RBM47: variants seen among roughly 807,000 people sequenced by gnomAD.
RBM47 encodes the protein RNA binding motif protein 47, also known as RNA-binding protein 47.
In RBM47, 21 loss-of-function variants were observed where a neutral mutation model predicts 47.1. The observed-to-expected ratio is 0.45, with a 90% confidence interval of 0.32 to 0.64. The LOEUF is 0.64. RBM47 is among the 30% of genes least tolerant of loss of function. The pLI, the probability that RBM47 is intolerant of heterozygous loss-of-function variation, is 0.05. For synonymous variants in RBM47, 375 were observed against 361.7 expected (o/e 1.04, Z -0.42); for missense variants, 708 against 870.9 (o/e 0.81, Z 2.35).
At chr4:40,607,834 G>A (rs2154278646) in intron 1 of RBM47, among the ~76,000 whole-genome samples, 1 of 152,312 alleles carries the variant, frequency 6.6e-6, no homozygotes, top group Middle Eastern at 3.4e-3. Flanking sequence ...GCCAGGCGCG[G>A]TGTCTCGTGC....
At chr4:40,437,650 G>T (rs993629874) in intron 4 of RBM47, 121 bp downstream of exon 4, 1 of 1,022,916 alleles carries the variant, frequency 9.8e-7, no homozygotes, top group Admixed American at 2.6e-5. Context: ...ACCCAAAACG[G>T]GGGTGGGAGG....
At chr4:40,439,468 A>C (rs921627473) in intron 3 of RBM47, among the ~76,000 whole-genome samples, 3 of 152,210 alleles carry the variant, frequency 2.0e-5, no homozygotes, top group African/African-American at 7.2e-5. Flanking sequence ...GCTTTTTACA[A>C]GGAAGAAATG....
intron 2 of RBM47, among the ~76,000 whole-genome samples, chr4:40,468,095 G>C (rs1475152249): frequency 6.6e-6 from 1 of 152,164 alleles, no homozygotes; most frequent in African/African-American, 2.4e-5. Flanking sequence ...AGACCAGCCT[G>C]GCCAACATGG....
chr4:40,516,657 G>A (rs780542177), intron 2 of RBM47, among the ~76,000 whole-genome samples: 2 of 152,180 alleles, frequency 1.3e-5, no homozygotes, highest in African/African-American at 2.4e-5. Flanking sequence ...GAGATTCAGA[G>A]ATGCAGAAAG....
At chr4:40,599,745 A>AAAG in intron 1 of RBM47, among the ~76,000 whole-genome samples, 1 of 151,780 alleles carries the variant, frequency 6.6e-6, no homozygotes, top group Admixed American at 6.6e-5. Context: ...ATTAGAAAAA[A>AAAG]AAAAAAAATC....
chr4:40,559,427 A>G (rs1328134792), intron 1 of RBM47, among the ~76,000 whole-genome samples: 1 of 152,234 alleles, frequency 6.6e-6, no homozygotes, highest in Non-Finnish European at 1.5e-5. Context: ...CAGAAACTAT[A>G]CAGAGAAGCT....
intron 2 of RBM47, among the ~76,000 whole-genome samples, chr4:40,525,672 T>C (rs879856998): frequency 6.6e-6 from 1 of 150,490 alleles, no homozygotes; most frequent in Non-Finnish European, 1.5e-5. Context: ...GGGGAAAAAA[T>C]GCAAAAACTG....
intron 1 of RBM47, among the ~76,000 whole-genome samples, chr4:40,565,329 TAGCC>T (rs1730994633): frequency 6.6e-6 from 1 of 152,236 alleles, no homozygotes; most frequent in Non-Finnish European, 1.5e-5. Context: ...ATGCATCTGC[TAGCC>T]AACCTTGGTG....
intron 3 of RBM47, among the ~76,000 whole-genome samples, chr4:40,444,856 G>C (rs1333699642): frequency 6.6e-6 from 1 of 151,492 alleles, no homozygotes. Context: ...GTAGAGATGG[G>C]GTTTCACCAT....
intron 3 of RBM47, among the ~76,000 whole-genome samples, chr4:40,447,790 C>T (rs1714760609): frequency 6.6e-6 from 1 of 152,104 alleles, no homozygotes; most frequent in Non-Finnish European, 1.5e-5. Flanking sequence ...GCGGGTGGAT[C>T]ACAAGGTCAG....
At chr4:40,529,515 CAAAAAA>C (rs56381747) in intron 2 of RBM47, among the ~76,000 whole-genome samples, 2 of 18,332 alleles carry the variant, frequency 1.1e-4, no homozygotes, top group African/African-American at 1.8e-4. Context: ...GACTCTGTCA[CAAAAAA>C]AAAAAAAAAA....
At chr4:40,600,991 A>C (rs995249151) in intron 1 of RBM47, among the ~76,000 whole-genome samples, 2 of 149,474 alleles carry the variant, frequency 1.3e-5, no homozygotes, top group African/African-American at 4.9e-5. Context: ...GTCTCAAAAA[A>C]AAAAAAAAAA....
At chr4:40,492,861 T>G (rs780293100) in intron 2 of RBM47, among the ~76,000 whole-genome samples, 3 of 152,134 alleles carry the variant, frequency 2.0e-5, no homozygotes, top group Non-Finnish European at 4.4e-5. Flanking sequence ...ATTGCTTAAC[T>G]GAGCAATGCA....
chr4:40,558,704 T>G (rs993902523), intron 1 of RBM47, among the ~76,000 whole-genome samples: 1 of 151,888 alleles, frequency 6.6e-6, no homozygotes, highest in Non-Finnish European at 1.5e-5. Context: ...GGTGGACACC[T>G]GTAGTTCCAG....
chr4:40,591,143 CCA>C (rs771806549), intron 1 of RBM47, among the ~76,000 whole-genome samples: 27 of 151,958 alleles, frequency 1.8e-4, no homozygotes, highest in Non-Finnish European at 3.5e-4. Flanking sequence ...ATAGGTAAAT[CCA>C]CAGAGACAGA....
chr4:40,627,120 A>G (rs962297348), intron 1 of RBM47, among the ~76,000 whole-genome samples: 9 of 152,216 alleles, frequency 5.9e-5, no homozygotes, highest in Middle Eastern at 3.2e-3. Flanking sequence ...ACTGTTCCCA[A>G]GAGGGAAAGA....
chr4:40,620,333 C>A (rs1024886505), intron 1 of RBM47, among the ~76,000 whole-genome samples: 4 of 151,836 alleles, frequency 2.6e-5, no homozygotes, highest in African/African-American at 9.7e-5. Context: ...TGGTGAAACC[C>A]GTTTCTACTA....
intron 1 of RBM47, among the ~76,000 whole-genome samples, chr4:40,608,289 CAT>C (rs1422890493): frequency 1.3e-5 from 2 of 152,176 alleles, no homozygotes; most frequent in Non-Finnish European, 2.9e-5. Flanking sequence ...GTTGTCCCCA[CAT>C]GAGTGTGAGC....
intron 1 of RBM47, among the ~76,000 whole-genome samples, chr4:40,571,368 C>T (rs1230715722): frequency 4.6e-5 from 7 of 151,932 alleles, no homozygotes; most frequent in Admixed American, 1.3e-4. Context: ...ACAGGAACTA[C>T]TGAATAAGTG....
Sources: allele counts gnomAD v4.1 joint callset (sites outside exome capture counted in the v4.1 genomes callset), GRCh38; gene constraint gnomAD v4.1.1; transcripts MANE v1.5; gene names NCBI Gene and HGNC (gene_info 2026-07-23, HGNC 2026-07-21).